MAGI2: variants seen among roughly 807,000 people sequenced by gnomAD.
MAGI2 encodes membrane associated guanylate kinase, WW and PDZ domain containing 2.
A neutral mutation model predicts 133.3 loss-of-function variants in MAGI2; 35 were observed. The ratio of observed to expected loss-of-function variants is 0.26; its 90% CI spans 0.20 to 0.35. The LOEUF (loss-of-function observed/expected upper bound fraction) is 0.35. MAGI2 is among the 10% of genes least tolerant of loss of function. The pLI is 1.00. For missense variants in MAGI2, 1,636 were observed against 1,863.4 expected (o/e 0.88, Z 2.25); for synonymous variants, 729 against 710.6 (o/e 1.03, Z -0.41).
chr7:78,931,777 C>G (rs926196823), intron 2 of MAGI2, among the ~76,000 whole-genome samples: 3 of 152,030 alleles, frequency 2.0e-5, no homozygotes, highest in Non-Finnish European at 4.4e-5. Context: ...ATCATAGCAA[C>G]AAAGCTATTG....
chr7:79,123,919 A>G (rs1008148171), intron 1 of MAGI2, among the ~76,000 whole-genome samples: 5 of 150,894 alleles, frequency 3.3e-5, no homozygotes, highest in African/African-American at 1.2e-4. Context: ...TCCACTCACA[A>G]CTCACTCCAC....
intron 2 of MAGI2, among the ~76,000 whole-genome samples, chr7:78,945,933 T>G (rs1419032562): frequency 2.0e-5 from 3 of 152,186 alleles, no homozygotes; most frequent in African/African-American, 7.2e-5. Flanking sequence ...TGACATTTTG[T>G]GCATTCCCAG....
chr7:78,528,599 A>G (rs1368451721), intron 3 of MAGI2, among the ~76,000 whole-genome samples: 2 of 152,220 alleles, frequency 1.3e-5, no homozygotes, highest in Non-Finnish European at 2.9e-5. Flanking sequence ...CTACTTTTCT[A>G]AAACTGGATT....
At chr7:78,597,662 T>A (rs1243067171) in intron 3 of MAGI2, among the ~76,000 whole-genome samples, 1 of 152,232 alleles carries the variant, frequency 6.6e-6, no homozygotes, top group Admixed American at 6.5e-5. Context: ...TCCTTCCTGC[T>A]TTTACCTAAC....
intron 2 of MAGI2, among the ~76,000 whole-genome samples, chr7:78,888,522 G>C (rs1188975207): frequency 6.6e-6 from 1 of 152,188 alleles, no homozygotes; most frequent in Non-Finnish European, 1.5e-5. Flanking sequence ...GTACTCCTCT[G>C]AGACAAAACT....
intron 1 of MAGI2, chr7:79,412,043 A>G (rs1449609593): frequency 6.6e-6 from 1 of 152,078 alleles, no homozygotes; most frequent in African/African-American, 2.4e-5. Context: ...TTTAAAATAA[A>G]AGATTTCATC....
At chr7:78,630,153 A>AC (rs1343551636) in intron 2 of MAGI2, among the ~76,000 whole-genome samples, 8 of 151,818 alleles carry the variant, frequency 5.3e-5, no homozygotes, top group East Asian at 3.9e-4. Context: ...ACTTTGTTTA[A>AC]CCCCCAAATC....
intron 2 of MAGI2, among the ~76,000 whole-genome samples, chr7:78,790,324 T>C (rs1333346391): frequency 1.3e-5 from 2 of 152,168 alleles, no homozygotes; most frequent in African/African-American, 4.8e-5. Context: ...CATTATTTAT[T>C]TATTTTATTA....
In MAGI2 at chr7:79,153,360, G is replaced by A. The variant is rs575326037; in HGVS notation, c.302-146154C>T. On this transcript the variant is annotated intron_variant, in intron 1 of 21. Coordinates refer to ENST00000354212, the MANE Select transcript of MAGI2 (RefSeq NM_012301.4). The stretch of plus-strand genomic sequence containing the variant: ...GACCTATAGCCTGCCCTCATGGAGC[G>A]CACAGTTAATCTAGCAGGGTGCAGG... Among the ~76,000 whole-genome samples, 113 of 152,216 alleles carry A rather than the reference G, an allele frequency of 7.4e-4. 1 individual carries two copies. In the South Asian group the frequency reaches 9.7e-3, roughly 13 times the overall value.
At chr7:78,344,071 G>A (rs765918653) in intron 8 of MAGI2, 111 bp from the exon 9 acceptor site, 28 of 854,308 alleles carry the variant, frequency 3.3e-5, no homozygotes, top group Non-Finnish European at 5.0e-5. Flanking sequence ...AATGTGGGGG[G>A]TCTTATACAG....
At chr7:78,675,008 A>G (rs1400415289) in intron 2 of MAGI2, among the ~76,000 whole-genome samples, 1 of 152,200 alleles carries the variant, frequency 6.6e-6, no homozygotes, top group East Asian at 1.9e-4. Flanking sequence ...ATTAGATTAA[A>G]CTGAAACACT....
chr7:78,501,833 A>T (rs1298308868), intron 4 of MAGI2, 46 bp from the exon 5 acceptor site: 2 of 1,414,944 alleles, frequency 1.4e-6, no homozygotes, highest in Admixed American at 1.7e-5. Flanking sequence ...AACCATGGTA[A>T]CTCTGGACTG....
chr7:78,923,121 A>C (rs1288103725), intron 2 of MAGI2, among the ~76,000 whole-genome samples: 2 of 151,992 alleles, frequency 1.3e-5, no homozygotes, highest in Non-Finnish European at 2.9e-5. Flanking sequence ...AGGTTGCAAA[A>C]ATTTTCTCTC....
intron 2 of MAGI2, among the ~76,000 whole-genome samples, chr7:78,869,700 C>T (rs777205627): frequency 1.1e-4 from 17 of 152,116 alleles, no homozygotes; most frequent in Non-Finnish European, 1.8e-4. Context: ...GCCATCAGAT[C>T]TCATGAGAAC....
At chr7:78,856,667 G>C (rs1156643144) in intron 2 of MAGI2, among the ~76,000 whole-genome samples, 2 of 152,146 alleles carry the variant, frequency 1.3e-5, no homozygotes, top group East Asian at 3.9e-4. Context: ...TTGTAGTATA[G>C]TTTGAATTCA....
rs186813780 is a variant in MAGI2, at chr7:78,026,454, A to G, written c.3707-6478T>C. On this transcript the variant is annotated intron_variant, in intron 21 of 21. Coordinates refer to ENST00000354212, the MANE Select transcript of MAGI2 (RefSeq NM_012301.4). ...CCAGCAAACATTTGTGCAGAAGAGG[A>G]AAGCATAACCCACATCAAAGGAGAG... Among the ~76,000 whole-genome samples, 5 of 152,348 alleles carry G rather than the reference A, an allele frequency of 3.3e-5. No homozygotes were observed. The East Asian group carries it at 9.6e-4, about 29-fold the overall frequency.
intron 6 of MAGI2, among the ~76,000 whole-genome samples, chr7:78,462,670 C>T (rs751132651): frequency 7.2e-5 from 11 of 152,136 alleles, no homozygotes; most frequent in Non-Finnish European, 1.3e-4. Context: ...ATTAAAAATC[C>T]TTATCAGTTT....
At chr7:79,007,758 A>G (rs1807600075) in intron 1 of MAGI2, among the ~76,000 whole-genome samples, 2 of 152,140 alleles carry the variant, frequency 1.3e-5, no homozygotes, top group African/African-American at 4.8e-5. Flanking sequence ...GTAGGATGGT[A>G]TAAAAAGTTA....
At chr7:78,573,284 T>TTATATATATAAATA (rs1332121524) in intron 3 of MAGI2, among the ~76,000 whole-genome samples, 7 of 26,874 alleles carry the variant, frequency 2.6e-4, no homozygotes, top group African/African-American at 1.3e-3. Context: ...ATATATATAT[T>TTATATATATAAATA]TATATAAATA....
Sources: allele counts gnomAD v4.1 joint callset (sites outside exome capture counted in the v4.1 genomes callset), GRCh38; gene constraint gnomAD v4.1.1; transcripts MANE v1.5; gene names NCBI Gene and HGNC (gene_info 2026-07-23, HGNC 2026-07-21).